Variants in MALRD1 observed in about 807,000 individuals in gnomAD.
MALRD1 encodes MAM and LDL-receptor class A domain-containing protein 1.
MALRD1 carries 247 observed loss-of-function variants against 242.1 expected under a neutral mutation model. That is an observed-to-expected ratio of 1.02 (90% CI 0.92 to 1.13). The LOEUF is 1.13. Ranked by LOEUF, MALRD1 falls within the 50% of genes most tolerant of loss-of-function variation. The probability of loss-of-function intolerance (pLI) is 0.00; values close to 1 mark genes in which losing one functional copy is unlikely to be tolerated. For missense variants in MALRD1, 2,989 were observed against 2,533.1 expected, an observed-to-expected ratio of 1.18 and a Z score of -3.86; for synonymous variants, 995 against 866.6, an observed-to-expected ratio of 1.15 and a Z score of -2.60.
At chr10:19,468,750 C>G (rs1447662149) in intron 29 of MALRD1, among the ~76,000 whole-genome samples, 1 of 151,998 alleles carries the variant, frequency 6.6e-6, no homozygotes, top group Non-Finnish European at 1.5e-5. Context: ...TATCTCTAGT[C>G]TTTACAAGAT....
intron 36 of MALRD1, among the ~76,000 whole-genome samples, chr10:19,660,956 C>T (rs563615792): frequency 6.6e-6 from 1 of 152,090 alleles, no homozygotes; most frequent in South Asian, 2.1e-4. Context: ...GTAACAACCC[C>T]ATCAAAAAGT....
intron 26 of MALRD1, among the ~76,000 whole-genome samples, chr10:19,384,385 T>C (rs1252747236): frequency 3.2e-5 from 3 of 95,072 alleles, no homozygotes; most frequent in Admixed American, 3.1e-4. Context: ...TAATATTTAC[T>C]ATATATTATA....
At chr10:19,074,699 A>T (rs952932277) in intron 2 of MALRD1, among the ~76,000 whole-genome samples, 2 of 152,038 alleles carry the variant, frequency 1.3e-5, no homozygotes, top group African/African-American at 4.8e-5. Flanking sequence ...GCTAAAAATG[A>T]TACATTCTCT....
chr10:19,428,438 C>G (rs138023379), intron 28 of MALRD1, among the ~76,000 whole-genome samples: 169 of 152,108 alleles, frequency 1.1e-3, no homozygotes, highest in Non-Finnish European at 9.0e-4. Flanking sequence ...CATTTTATTT[C>G]TCAAATGACT....
chr10:19,528,864 A>G (rs546135335), intron 31 of MALRD1, among the ~76,000 whole-genome samples: 2 of 152,278 alleles, frequency 1.3e-5, no homozygotes, highest in South Asian at 2.1e-4. Context: ...TACCCCCAAC[A>G]TTGGACAGCC....
intron 36 of MALRD1, among the ~76,000 whole-genome samples, chr10:19,652,147 C>T (rs931832604): frequency 1.3e-5 from 2 of 152,192 alleles, no homozygotes; most frequent in African/African-American, 4.8e-5. Context: ...CTGTTCTTGG[C>T]ACAGCCTGTG....
intron 28 of MALRD1, among the ~76,000 whole-genome samples, chr10:19,429,042 T>G (rs992841619): frequency 1.3e-5 from 2 of 152,232 alleles, no homozygotes; most frequent in African/African-American, 4.8e-5. Context: ...ACAAACTTAC[T>G]GGGCTATTAC....
At chr10:19,341,484 GTA>G (rs35757112) in intron 24 of MALRD1, among the ~76,000 whole-genome samples, 79,751 of 144,214 alleles carry the variant, frequency 0.55, 22,188 homozygotes, top group Middle Eastern at 0.59. Context: ...ATATATATGT[GTA>G]TATATATGTA....
At position 19,158,805 on chromosome 10, in the gene MALRD1, T is replaced by C. The variant is rs113222142; in HGVS notation, c.1656+3633T>C. On this transcript the variant is annotated intron_variant, in intron 12 of 39. Coordinates refer to ENST00000454679, the MANE Select transcript of MALRD1 (RefSeq NM_001142308.3). ...CTACAAGAGGGTGAGTCCAGTATAATAATAACACTCTACAAATCTCTCTCA... is the reference window on the plus strand; with the variant it reads ...CTACAAGAGGGTGAGTCCAGTATAACAATAACACTCTACAAATCTCTCTCA... Among the ~76,000 whole-genome samples, 299 of 152,318 alleles carry C rather than the reference T, an allele frequency of 2.0e-3. 1 individual carries two copies. The highest frequency in any genetic ancestry group is 1.9e-3 in the Non-Finnish European group (127 of 68,032).
At chr10:19,646,760 A>T (rs1745614152) in intron 36 of MALRD1, among the ~76,000 whole-genome samples, 1 of 152,216 alleles carries the variant, frequency 6.6e-6, no homozygotes. Flanking sequence ...AAAAATATAT[A>T]TAATGCTAAT....
rs1189922953 is a variant in MALRD1, at chr10:19,707,951, A to C, written c.6314+15397A>C. On this transcript the variant is annotated intron_variant, in intron 38 of 39. Coordinates refer to ENST00000454679, the MANE Select transcript of MALRD1 (RefSeq NM_001142308.3). Reference sequence around the variant, plus strand: ...GCACTCTAGCCTGGGTGTTAGAGCAAGATTCTGTCTAAATATGTATTATTT... The same window carrying C: ...GCACTCTAGCCTGGGTGTTAGAGCACGATTCTGTCTAAATATGTATTATTT... Among the ~76,000 whole-genome samples the C allele has an allele frequency of 1.4e-4, 17 of 121,140 alleles. 2 individuals are homozygous for C. The highest frequency in any genetic ancestry group is 3.4e-4 in the African/African-American group (13 of 38,212). The allele number at this position is 121,140 out of a possible 152,430, so 79.5% of individuals were successfully genotyped here.
rs71387053 is a variant in MALRD1, at chr10:19,200,645, G to GTTTTTTTTTTTT, written c.1952-3068_1952-3057dup. On this transcript the variant is annotated intron_variant, in intron 14 of 39. Transcript: ENST00000454679. ...TTTTTTTTCTCCCTCCCTGCTTGAG[G>GTTTTTTTTTTTT]TTTTTTTTTTTTTTTTTTTTTTTTT... 4.6e-4 allele frequency among the ~76,000 whole-genome samples: 32 copies of GTTTTTTTTTTTT among 69,446 alleles called. 1 individual carries two copies. The East Asian group carries it at 9.7e-3, about 21-fold the overall frequency. The allele number at this position is 69,446 out of a possible 152,430, so 45.6% of individuals were successfully genotyped here.
chr10:19,082,962 A>C (rs1423938741), intron 2 of MALRD1, among the ~76,000 whole-genome samples: 1 of 152,042 alleles, frequency 6.6e-6, no homozygotes, highest in East Asian at 1.9e-4. Context: ...TGTCTGATGA[A>C]GGACGACTTC....
intron 18 of MALRD1, among the ~76,000 whole-genome samples, chr10:19,231,933 T>C (rs181148475): frequency 2.0e-5 from 3 of 152,304 alleles, no homozygotes; most frequent in African/African-American, 4.8e-5. Flanking sequence ...TTTAATATTT[T>C]ATACATGTCA....
chr10:19,705,283 T>C (rs1393743327), intron 38 of MALRD1, among the ~76,000 whole-genome samples: 1 of 152,150 alleles, frequency 6.6e-6, no homozygotes, highest in Non-Finnish European at 1.5e-5. Context: ...GCTTACTCTA[T>C]ACCTCAAGGC....
intron 31 of MALRD1, among the ~76,000 whole-genome samples, chr10:19,521,601 C>G (rs189855794): frequency 6.6e-6 from 1 of 152,054 alleles, no homozygotes; most frequent in Non-Finnish European, 1.5e-5. Context: ...GGCCATTGAT[C>G]TAGATAGTGT....
In MALRD1 at chr10:19,502,021, AAAAAGAAAAG is replaced by A. The variant is rs538436241; in HGVS notation, c.5320+3398_5320+3407del. Among the ~76,000 whole-genome samples, 235 of 114,120 alleles carry A rather than the reference AAAAAGAAAAG, an allele frequency of 2.1e-3. 6 individuals are homozygous for A. Among genetic ancestry groups the A allele is most frequent in the Non-Finnish European group, 2.2e-3 (131 of 59,462 alleles). 74.9% of individuals were successfully genotyped at this position (114,120 alleles called of 152,430 possible). A position where few individuals can be genotyped will look rare whatever the true frequency, so the allele number is the denominator to read the frequency against. ...CAGCAAGATTCTGTCTCAAAAAAAA[AAAAAGAAAAG>A]AAAAGAAAAGAAAAGAAAAGAAGAA... is the stretch of plus-strand genomic sequence containing the variant. On this transcript the variant is annotated intron_variant, in intron 31 of 39. Transcript: ENST00000454679.
chr10:19,218,751 G>A (rs1164630302), intron 18 of MALRD1, among the ~76,000 whole-genome samples: 1 of 152,130 alleles, frequency 6.6e-6, no homozygotes, highest in Admixed American at 6.5e-5. Flanking sequence ...TCTGAACACA[G>A]TGATCTTGAC....
intron 4 of MALRD1, among the ~76,000 whole-genome samples, chr10:19,094,656 C>T (rs1027335578): frequency 6.6e-6 from 1 of 152,184 alleles, no homozygotes; most frequent in Non-Finnish European, 1.5e-5. Flanking sequence ...TCCTTCCAGA[C>T]TTTTCTCATG....
Sources: allele counts gnomAD v4.1 joint callset (sites outside exome capture counted in the v4.1 genomes callset), GRCh38; gene constraint gnomAD v4.1.1; transcripts MANE v1.5; gene names NCBI Gene and HGNC (gene_info 2026-07-23, HGNC 2026-07-21).